Variants in THSD7B observed in about 807,000 individuals in gnomAD.
THSD7B encodes thrombospondin type 1 domain containing 7B.
In THSD7B, 138 loss-of-function variants were observed where a neutral mutation model predicts 213.6. The observed-to-expected ratio is 0.65, with a 90% CI of 0.56 to 0.74. The LOEUF is 0.74. Ranked by LOEUF, THSD7B falls within the 30% of genes least tolerant of loss-of-function variation. THSD7B has a pLI of 0.00. For missense variants in THSD7B, 1,931 were observed against 1,991.5 expected (o/e 0.97, Z 0.58); for synonymous variants, 742 against 687.0 (o/e 1.08, Z -1.25).
chr2:137,244,251 G>C (rs751711908), intron 10 of THSD7B, among the ~76,000 whole-genome samples: 1 of 152,174 alleles, frequency 6.6e-6, no homozygotes, highest in African/African-American at 2.4e-5. Context: ...ATGGAGTTTT[G>C]TTGATATTTA....
chr2:136,921,604 T>G (rs865994385), intron 2 of THSD7B, among the ~76,000 whole-genome samples: 4 of 152,342 alleles, frequency 2.6e-5, no homozygotes, highest in African/African-American at 7.2e-5. Flanking sequence ...AGTACTGCCT[T>G]AAGGATGAAT....
intron 17 of THSD7B, among the ~76,000 whole-genome samples, chr2:137,606,957 T>C (rs1682192893): frequency 1.3e-5 from 2 of 152,150 alleles, no homozygotes; most frequent in South Asian, 4.1e-4. Context: ...GCTTGCTGCC[T>C]GCCTTTGAGG....
chr2:137,245,055 A>G (rs2105067729), intron 10 of THSD7B, among the ~76,000 whole-genome samples: 1 of 152,014 alleles, frequency 6.6e-6, no homozygotes, highest in East Asian at 1.9e-4. Context: ...CTGAATGGTG[A>G]CCCTCCTCCT....
At chr2:137,477,832 A>T (rs535345960) in intron 15 of THSD7B, among the ~76,000 whole-genome samples, 1 of 151,720 alleles carries the variant, frequency 6.6e-6, no homozygotes, top group African/African-American at 2.4e-5. Context: ...TCCTTCATTT[A>T]TGAAGGGTAA....
At chr2:137,643,740 C>T (rs2104863685) in intron 21 of THSD7B, among the ~76,000 whole-genome samples, 1 of 152,116 alleles carries the variant, frequency 6.6e-6, no homozygotes, top group East Asian at 1.9e-4. Context: ...AAAGCCATTT[C>T]AGGGGAAGGG....
intron 1 of THSD7B, among the ~76,000 whole-genome samples, chr2:136,786,427 A>G (rs1681850131): frequency 6.6e-6 from 1 of 151,920 alleles, no homozygotes; most frequent in Admixed American, 6.6e-5. Flanking sequence ...CGTTTCTTTT[A>G]CCTAAGAGCT....
At chr2:137,271,391 TGAA>T (rs1558737490) in intron 10 of THSD7B, among the ~76,000 whole-genome samples, 3 of 140,076 alleles carry the variant, frequency 2.1e-5, no homozygotes, top group Non-Finnish European at 3.0e-5. Flanking sequence ...ATATATATTA[TGAA>T]TTATATATAT....
chr2:136,985,482 G>A (rs1685655220), intron 2 of THSD7B, among the ~76,000 whole-genome samples: 1 of 152,164 alleles, frequency 6.6e-6, no homozygotes, highest in Non-Finnish European at 1.5e-5. Context: ...GTAAGCCTTG[G>A]TGGCTTCCAC....
At chr2:137,313,154 A>C (rs1482403230) in intron 12 of THSD7B, among the ~76,000 whole-genome samples, 2 of 152,136 alleles carry the variant, frequency 1.3e-5, no homozygotes, top group African/African-American at 4.8e-5. Context: ...GTCTCTTTGT[A>C]GGTCACTAAG....
At chr2:137,001,710 A>G (rs1686002351) in intron 2 of THSD7B, among the ~76,000 whole-genome samples, 1 of 152,116 alleles carries the variant, frequency 6.6e-6, no homozygotes, top group Non-Finnish European at 1.5e-5. Flanking sequence ...ATTCAGAAAT[A>G]TGTTCAAATC....
chr2:137,521,970 T>C (rs1004793428), intron 15 of THSD7B, among the ~76,000 whole-genome samples: 2 of 152,174 alleles, frequency 1.3e-5, no homozygotes, highest in Non-Finnish European at 2.9e-5. Flanking sequence ...TCCCTCCTTG[T>C]AGGGGTATCA....
intron 7 of THSD7B, among the ~76,000 whole-genome samples, chr2:137,208,165 T>A (rs1328506983): frequency 6.6e-6 from 1 of 152,058 alleles, no homozygotes; most frequent in Non-Finnish European, 1.5e-5. Context: ...TATAAGTAAG[T>A]GTGCATTCAT....
chr2:137,223,419 GAGAAA>G (rs1416232957), intron 7 of THSD7B, among the ~76,000 whole-genome samples: 7 of 152,160 alleles, frequency 4.6e-5, no homozygotes, highest in Admixed American at 2.0e-4. Context: ...CAGAGAAAAT[GAGAAA>G]AGAGACAGAG....
At position 137,640,586 on chromosome 2, in the gene THSD7B, T is replaced by C. The variant is rs150231429; in HGVS notation, c.3800-1902T>C. ...CTGCAACCTACTTTGTTTGTTTGTT[T>C]TTTTAAACCCAAACAAGGGACTTAA... is the stretch of plus-strand genomic sequence containing the variant. On this transcript the variant is annotated intron_variant, in intron 20 of 27. Transcript: ENST00000409968. Among the ~76,000 whole-genome samples the C allele has an allele frequency of 6.9e-3, 1,054 of 152,348 alleles. 18 individuals carry two copies. Among genetic ancestry groups the C allele is most frequent in the African/African-American group, 0.024 (1,014 of 41,574 alleles).
chr2:137,127,954 C>T (rs1403655436), intron 5 of THSD7B, among the ~76,000 whole-genome samples: 1 of 151,768 alleles, frequency 6.6e-6, no homozygotes, highest in Non-Finnish European at 1.5e-5. Flanking sequence ...ACCAAAAAGC[C>T]CTACTAGTTT....
intron 2 of THSD7B, among the ~76,000 whole-genome samples, chr2:136,986,600 A>G (rs918172081): frequency 2.0e-5 from 3 of 152,232 alleles, no homozygotes; most frequent in African/African-American, 7.2e-5. Flanking sequence ...GGAGTAACAC[A>G]TGCAAGGAAG....
chr2:137,305,019 A>G (rs1573947236), intron 12 of THSD7B, among the ~76,000 whole-genome samples: 1 of 152,136 alleles, frequency 6.6e-6, no homozygotes, highest in East Asian at 1.9e-4. Context: ...CTGAACTTAG[A>G]TTTAGTTCTA....
In THSD7B at chr2:137,261,642, C is replaced by A. The variant is rs116570555; in HGVS notation, c.2267-10891C>A. ...GTTGACACTGCAGAAGTAGTGACAG[C>A]AATACAAGCATTAACATGTACCTTA... is the stretch of plus-strand genomic sequence containing the variant. On this transcript the variant is annotated intron_variant, in intron 10 of 27. Transcript: ENST00000409968. 8.5e-3 allele frequency among the ~76,000 whole-genome samples: 1,297 copies of A among 152,148 alleles called. 19 individuals are homozygous for A. Among genetic ancestry groups the A allele is most frequent in the African/African-American group, 0.029 (1,215 of 41,506 alleles).
At chr2:136,829,229 T>C (rs1682709947) in intron 1 of THSD7B, among the ~76,000 whole-genome samples, 1 of 151,768 alleles carries the variant, frequency 6.6e-6, no homozygotes, top group Non-Finnish European at 1.5e-5. Flanking sequence ...GAGCACATAG[T>C]AGGTTTTGAA....
Sources: allele counts gnomAD v4.1 joint callset (sites outside exome capture counted in the v4.1 genomes callset), GRCh38; gene constraint gnomAD v4.1.1; transcripts MANE v1.5; gene names NCBI Gene and HGNC (gene_info 2026-07-23, HGNC 2026-07-21).